Variants in STAU1 observed in about 807,000 individuals in gnomAD.
STAU1 encodes double-stranded RNA-binding protein Staufen homolog 1.
A neutral mutation model predicts 62.9 loss-of-function variants in STAU1; 13 were observed. That is an observed-to-expected ratio of 0.21 (90% CI 0.13 to 0.33). STAU1 has a LOEUF of 0.33. Ranked by LOEUF, STAU1 falls within the 10% of genes least tolerant of loss-of-function variation. The pLI is 1.00. For synonymous variants in STAU1, 269 were observed against 265.1 expected (o/e 1.01, Z -0.14); for missense variants, 571 against 712.1 (o/e 0.80, Z 2.25).
At chr20:49,120,442 A>C (rs1014372147) in intron 8 of STAU1, among the ~76,000 whole-genome samples, 2 of 152,210 alleles carry the variant, frequency 1.3e-5, no homozygotes, top group Non-Finnish European at 2.9e-5. Context: ...TGTACAATGG[A>C]AACAGTCTGT....
the STAU1 span, among the ~76,000 whole-genome samples, chr20:49,213,593 T>C: frequency 1.3e-5 from 2 of 152,180 alleles, no homozygotes; most frequent in Non-Finnish European, 2.9e-5. Context: ...TTTTAAAACA[T>C]GCTTACTTAC....
the STAU1 span, among the ~76,000 whole-genome samples, chr20:49,196,793 AAAAAAG>A: frequency 2.0e-3 from 309 of 152,014 alleles, 1 homozygote; most frequent in Non-Finnish European, 3.9e-3. Context: ...AGAAAAAAAA[AAAAAAG>A]AAACAGCAAC....
intron 6 of STAU1, 100 bp downstream of exon 6, chr20:49,135,733 G>T: frequency 2.3e-6 from 2 of 855,820 alleles, no homozygotes; most frequent in Non-Finnish European, 3.7e-6. Flanking sequence ...TTCACATTAT[G>T]TGAAGATTAT....
chr20:49,191,177 G>A (rs1318042704), upstream of STAU1, among the ~76,000 whole-genome samples: 2 of 151,900 alleles, frequency 1.3e-5, no homozygotes, highest in African/African-American at 4.8e-5. Flanking sequence ...ACAGGCGCTT[G>A]CCACCATGCC....
chr20:49,215,225 C>T, the STAU1 span, among the ~76,000 whole-genome samples: 8 of 152,294 alleles, frequency 5.3e-5, no homozygotes, highest in African/African-American at 1.9e-4. Context: ...GAGCCTCTTT[C>T]TCTGCCTTTG....
chr20:49,199,101 G>A, the STAU1 span, among the ~76,000 whole-genome samples: 287 of 151,192 alleles, frequency 1.9e-3, 1 homozygote, highest in Non-Finnish European at 3.1e-3. Flanking sequence ...AGCCGAGATC[G>A]TGCCACTGCA....
the STAU1 span, among the ~76,000 whole-genome samples, chr20:49,213,666 C>T: frequency 1.3e-5 from 2 of 152,234 alleles, no homozygotes; most frequent in Non-Finnish European, 2.9e-5. Context: ...AATTCAGTTT[C>T]AGGAAGCAGG....
chr20:49,135,800 G>A, intron 6 of STAU1, 33 bp downstream of exon 6: 3 of 1,509,720 alleles, frequency 2.0e-6, no homozygotes, highest in South Asian at 2.3e-5. Context: ...CAGGATTTTA[G>A]AATACAAAGT....
intron 3 of STAU1, among the ~76,000 whole-genome samples, chr20:49,163,860 G>A (rs2426140): frequency 6.6e-6 from 1 of 151,986 alleles, no homozygotes; most frequent in East Asian, 1.9e-4. Context: ...AAACTTCTGG[G>A]CTCAAGCAAT....
intron 6 of STAU1, chr20:49,134,448 A>AAAAAAAAAAAAAAAAAAAAAAAAAAC (rs1568850932): frequency 1.6e-6 from 1 of 625,408 alleles, no homozygotes; most frequent in African/African-American, 1.9e-5. Context: ...AAAAAAAAAA[A>AAAAAAAAAAAAAAAAAAAAAAAAAAC]AGCTCTGGGT....
At chr20:49,130,775 C>T (rs937176540) in intron 6 of STAU1, among the ~76,000 whole-genome samples, 9 of 152,104 alleles carry the variant, frequency 5.9e-5, no homozygotes, top group South Asian at 2.1e-4. Context: ...TGGTGGCTCA[C>T]GCCTGTAATC....
the STAU1 span, among the ~76,000 whole-genome samples, chr20:49,217,209 T>C: frequency 6.6e-6 from 1 of 151,778 alleles, no homozygotes; most frequent in Non-Finnish European, 1.5e-5. Flanking sequence ...GGAGAAGTGC[T>C]GCTGGAGTGA....
the STAU1 span, among the ~76,000 whole-genome samples, chr20:49,208,780 C>T: frequency 1.3e-5 from 2 of 150,986 alleles, no homozygotes; most frequent in Admixed American, 6.6e-5. Context: ...TCACCATGCT[C>T]GGCTAATTTT....
chr20:49,135,825 T>C lies in STAU1; in HGVS notation c.609+8A>G, dbSNP rs758881569. Reference sequence around the variant, plus strand: ...GAATACAAAGTCCTACATGTAAAATTAGCTTACCTCGAAATTCACAGGCAA... The same window carrying C: ...GAATACAAAGTCCTACATGTAAAATCAGCTTACCTCGAAATTCACAGGCAA... On this transcript the variant is annotated splice_region_variant and intron_variant, in intron 6 of 13. Transcript: ENST00000371856. 27 of 1,609,422 alleles carry C rather than the reference T, an allele frequency of 1.7e-5. No individual in the cohort carries two copies. Among genetic ancestry groups the C allele is most frequent in the Admixed American group, 5.0e-5 (3 of 59,462 alleles).
the STAU1 span, among the ~76,000 whole-genome samples, chr20:49,204,592 T>TTATGTATA: frequency 2.2e-5 from 1 of 45,644 alleles, no homozygotes; most frequent in Admixed American, 3.7e-4. Context: ...GGATTTTACA[T>TTATGTATA]TATATATATA....
chr20:49,192,358 A>G (rs1412976908), upstream of STAU1, among the ~76,000 whole-genome samples: 4 of 151,738 alleles, frequency 2.6e-5, no homozygotes, highest in Admixed American at 6.6e-5. Context: ...AAAAAAAAAA[A>G]AAAGAAAAAA....
intron 2 of STAU1, among the ~76,000 whole-genome samples, chr20:49,169,885 T>TA (rs758073912): frequency 2.0e-4 from 30 of 152,208 alleles, no homozygotes; most frequent in Non-Finnish European, 3.8e-4. Context: ...TGCAAAATGA[T>TA]AGAGTTATAG....
chr20:49,208,050 T>TTTTG, the STAU1 span, among the ~76,000 whole-genome samples: 56 of 151,568 alleles, frequency 3.7e-4, no homozygotes, highest in South Asian at 6.3e-4. Context: ...CCAGCTAATT[T>TTTTG]TTTGTTTGTT....
chr20:49,182,340 CTTTTCTCTGCAGTAA>C (rs2093735406), intron 1 of STAU1, among the ~76,000 whole-genome samples: 2 of 152,194 alleles, frequency 1.3e-5, no homozygotes, highest in African/African-American at 4.8e-5. Context: ...AAAAATATTA[CTTTTCTCTGCAGTAA>C]GGTTTTCTAG....
Sources: gnomAD v4.1 joint callset for allele counts (sites outside exome capture counted in the v4.1 genomes callset) on GRCh38, gnomAD v4.1.1 for gene constraint, MANE v1.5 for transcripts, NCBI Gene and HGNC (gene_info 2026-07-23, HGNC 2026-07-21) for gene names.